KLHL40: variants seen among roughly 807,000 people sequenced by gnomAD.
KLHL40 encodes the protein kelch-like protein 40.
KLHL40 carries 44 observed loss-of-function variants against 49.7 expected under a neutral mutation model. That is an observed-to-expected ratio of 0.89 (90% CI 0.70 to 1.14). The LOEUF (loss-of-function observed/expected upper bound fraction) is 1.14. KLHL40 is among the 50% of genes most tolerant of loss of function. KLHL40 has a pLI of 0.00. For missense variants in KLHL40, 892 were observed against 850.3 expected, an observed-to-expected ratio of 1.05 and a Z score of -0.61; for synonymous variants, 409 against 365.2, an observed-to-expected ratio of 1.12 and a Z score of -1.37.
At position 42,688,677 on chromosome 3, in the gene KLHL40, A is replaced by G. The variant is rs776547008; in HGVS notation, c.1381A>G (p.Met461Val). 11 of 1,613,910 alleles carry G rather than the reference A, an allele frequency of 6.8e-6. No homozygotes were observed. The highest frequency in any genetic ancestry group is 1.7e-5 in the Admixed American group (1 of 60,004). ...VVYGHTVLSH[M>V]DLVYVIGGKG... ...GTATGGCCACACAGTGCTCTCCCAC[A>G]TGGACCTTGTCTACGTAATTGGCGG... The change falls in exon 3 of 6, where the codon ATG (methionine) becomes GTG (valine). Residue 461 changes from methionine to valine, a missense_variant. Met to Val is a conservative substitution (Grantham distance 21). Coordinates refer to ENST00000287777, the MANE Select transcript of KLHL40 (RefSeq NM_152393.4). This position sits in a 1 kb window ranked among gnomAD's most constrained non-coding sequence, Gnocchi z 4.2.
Position 42,686,254 on chromosome 3 carries a change from G to A in KLHL40, c.636G>A (p.Glu212=), listed in dbSNP as rs746786687. The A allele has an allele frequency of 9.7e-6, 15 of 1,552,944 alleles. No homozygotes were observed. The highest frequency in any genetic ancestry group is 1.3e-5 in the Non-Finnish European group (15 of 1,150,360). ...AGSGDAEAQA[E]RQRALPTVFE... is the part of the protein sequence containing the mutation. ...GCGGCGACGCCGAGGCGCAGGCTGA[G>A]CGCCAGCGCGCGCTGCCCACCGTCT... Residue 212 remains glutamate (E), a synonymous_variant, in exon 1 of 6, where the codon GAG becomes GAA. Coordinates refer to ENST00000287777, the MANE Select transcript of KLHL40 (RefSeq NM_152393.4).
rs1357119156 is a variant in KLHL40, at chr3:42,690,852, C to A, written c.1608-7C>A. On this transcript the variant is annotated splice_region_variant and splice_polypyrimidine_tract_variant and intron_variant, in intron 4 of 5. Coordinates refer to ENST00000287777, the MANE Select transcript of KLHL40 (RefSeq NM_152393.4). ...TCCCAATGATGCACCTTCTCACACA[C>A]CCCCAGGTGGGCACCCTTCGAGGCC... 1.9e-6 allele frequency: 3 copies of A among 1,595,734 alleles called. No individual in the cohort carries two copies. Among genetic ancestry groups the A allele is most frequent in the South Asian group, 1.1e-5 (1 of 88,556 alleles).
chr3:42,691,469 C>A (rs1697366565), intron 5 of KLHL40, among the ~76,000 whole-genome samples: 2 of 152,092 alleles, frequency 1.3e-5, no homozygotes, highest in African/African-American at 4.8e-5. Flanking sequence ...GGGGCATCTC[C>A]TTCCTGAACC....
Position 42,686,710 on chromosome 3 carries a change from T to C in KLHL40, c.1092T>C (p.Ala364=). 1.2e-6 allele frequency: 2 copies of C among 1,613,506 alleles called. No individual in the cohort carries two copies. Among genetic ancestry groups the C allele is most frequent in the African/African-American group, 1.3e-5 (1 of 75,062 alleles). The change falls in exon 1 of 6, where the codon GCT becomes GCC. Residue 364 remains alanine, a synonymous_variant. Transcript: ENST00000287777. ...LVTKENQVFV[A]GGLFYNEDNK... is the part of the protein sequence containing the mutation. ...CCAAGGAGAACCAGGTCTTCGTGGC[T>C]GGAGGCCTCTTCTACAACGAAGACA...
In KLHL40 at chr3:42,688,093, G is replaced by A. The variant is rs375456080; in HGVS notation, c.1153-49G>A. On this transcript the variant is annotated intron_variant, in intron 1 of 5. Coordinates refer to ENST00000287777, the MANE Select transcript of KLHL40 (RefSeq NM_152393.4). This position sits in a 1 kb window ranked among gnomAD's most constrained non-coding sequence, Gnocchi z 4.2. Reference sequence around the variant, plus strand: ...CAGTGGGACTGAGTGGGGCTGGGCTGAGGCTGGGGGAGTGGGGGGCGGTAG... The same window carrying A: ...CAGTGGGACTGAGTGGGGCTGGGCTAAGGCTGGGGGAGTGGGGGGCGGTAG... The A allele has an allele frequency of 1.2e-6, 2 of 1,611,308 alleles. No individual in the cohort carries two copies. Among genetic ancestry groups the A allele is most frequent in the African/African-American group, 2.7e-5 (2 of 74,820 alleles).
rs368649400 is a variant in KLHL40 at position 42,685,614 on chromosome 3, C to T, written c.-5C>T. The T allele has an allele frequency of 2.5e-6, 4 of 1,582,256 alleles. No individual in the cohort carries two copies. Among genetic ancestry groups the T allele is most frequent in the Non-Finnish European group, 2.6e-6 (3 of 1,163,770 alleles). Reference sequence around the variant, plus strand: ...GCACCGCCACCGCACCCTAGGCCACCCACCATGGCGCTGGGCTTGGAGCAG... The same window carrying T: ...GCACCGCCACCGCACCCTAGGCCACTCACCATGGCGCTGGGCTTGGAGCAG... On this transcript the variant is annotated 5_prime_UTR_variant, in exon 1 of 6. Transcript: ENST00000287777.
chr3:42,689,448 C>T (rs1043220282), intron 4 of KLHL40, among the ~76,000 whole-genome samples: 4 of 152,000 alleles, frequency 2.6e-5, no homozygotes, highest in African/African-American at 9.7e-5. Context: ...GAGGTTGCCC[C>T]AGACTAAGGA....
chr3:42,691,116 T>C lies in KLHL40; in HGVS notation c.1754+111T>C, dbSNP rs1697358101. 5 of 1,133,824 alleles carry C rather than the reference T, an allele frequency of 4.4e-6. No homozygotes were observed. The East Asian group carries it at 1.0e-4, about 23-fold the overall frequency. 70.2% of individuals were successfully genotyped at this position (1,133,824 alleles called of 1,614,324 possible). A position where few individuals can be genotyped will look rare whatever the true frequency, so the allele number is the denominator to read the frequency against. On this transcript the variant is annotated intron_variant, in intron 5 of 5. Transcript: ENST00000287777. ...CAAGCTCCTCTGGGGGCAAAGCGGA[T>C]CCCTCTTCTAGGGAGTCCTGTAGGG...
chr3:42,690,738 C>A, intron 4 of KLHL40, 121 bp from the exon 5 acceptor site: 1 of 1,004,490 alleles, frequency 1.0e-6, no homozygotes, highest in Non-Finnish European at 1.5e-6. Context: ...GGGTTGGGGG[C>A]ATGGGTGCCT....
intron 5 of KLHL40, among the ~76,000 whole-genome samples, chr3:42,691,549 A>C (rs1279934366): frequency 6.6e-6 from 1 of 152,102 alleles, no homozygotes; most frequent in Non-Finnish European, 1.5e-5. Flanking sequence ...CGTGAGACTT[A>C]GTAGAAATGG....
chr3:42,690,961 G>A lies in KLHL40; in HGVS notation c.1710G>A (p.Thr570=), dbSNP rs151268251. ...TTGGTGGCTTTGCCACACTGGAGAC[G>A]GAGTCTGGAGAGCTGGTTCCCACAG... ...YAIGGFATLE[T]ESGELVPTEL... Residue 570 remains threonine (T), a synonymous_variant, in exon 5 of 6, where the codon ACG becomes ACA. Transcript: ENST00000287777. The A allele has an allele frequency of 1.2e-5, 20 of 1,613,478 alleles. No homozygotes were observed. In the African/African-American group the frequency reaches 1.3e-4, roughly 11 times the overall value.
Position 42,686,468 on chromosome 3 carries a change from G to A in KLHL40, c.850G>A (p.Asp284Asn). The A allele has an allele frequency of 6.2e-7, 1 of 1,614,070 alleles. No individual in the cohort carries two copies. The highest frequency in any genetic ancestry group is 1.1e-5 in the South Asian group (1 of 91,084). Residue 284 changes from aspartate (D) to asparagine (N), a missense_variant, in exon 1 of 6, where the codon GAT becomes AAT. Physicochemically the swap from Asp to Asn is conservative, Grantham distance 23. Transcript: ENST00000287777. ...GGATGGAGCCGGGGCCAAGGAGGCTGATAAGGGCACAAGCAAAGCCAAAGC... is the reference window on the plus strand; with the variant it reads ...GGATGGAGCCGGGGCCAAGGAGGCTAATAAGGGCACAAGCAAAGCCAAAGC... Reference protein sequence around the residue: ...GKDGAGAKEADKGTSKAKAEE... With the variant: ...GKDGAGAKEANKGTSKAKAEE...
chr3:42,691,753 G>C, intron 5 of KLHL40, 129 bp from the exon 6 acceptor site: 1 of 654,780 alleles, frequency 1.5e-6, no homozygotes, highest in Non-Finnish European at 2.8e-6. Flanking sequence ...CCCAGAGCCT[G>C]GGGATTTTCA....
rs1183551771 is a variant in KLHL40 at position 42,692,432 on chromosome 3, G to C, written c.*439G>C. On this transcript the variant is annotated 3_prime_UTR_variant, in exon 6 of 6. Coordinates refer to ENST00000287777, the MANE Select transcript of KLHL40 (RefSeq NM_152393.4). ...AAGTGCCTTCTGAGCAAGCAGCTCA[G>C]GGTCTGCATCAGTGCTCCAAGAGTC... The C allele has an allele frequency of 2.3e-6, 1 of 442,688 alleles. No individual in the cohort carries two copies. Among genetic ancestry groups the C allele is most frequent in the African/African-American group, 2.0e-5 (1 of 50,952 alleles). The allele number at this position is 442,688 out of a possible 1,614,324, so 27.4% of individuals were successfully genotyped here.
chr3:42,686,920 C>T, intron 1 of KLHL40, 150 bp downstream of exon 1: 1 of 677,120 alleles, frequency 1.5e-6, no homozygotes, highest in Non-Finnish European at 2.5e-6. Flanking sequence ...TGATAGCCAC[C>T]TACTTGAAGG....
Position 42,686,363 on chromosome 3 carries a change from G to C in KLHL40, c.745G>C (p.Glu249Gln). The C allele has an allele frequency of 6.2e-7, 1 of 1,613,180 alleles. No homozygotes were observed. The highest frequency in any genetic ancestry group is 2.2e-5 in the East Asian group (1 of 44,858). ...CCACCCTCTCGTGCGTGCCCAGCCC[G>C]AGTTGCTGCGCAAGGTGCAGATGGT... is the stretch of plus-strand genomic sequence containing the variant. ...ERHPLVRAQP[E>Q]LLRKVQMVKD... The change falls in exon 1 of 6, where the codon GAG (glutamate) becomes CAG (glutamine). Residue 249 changes from glutamate (E) to glutamine (Q), a missense_variant. By Grantham distance (29) the Glu-to-Gln change is conservative (BLOSUM62 2). Coordinates refer to ENST00000287777, the MANE Select transcript of KLHL40 (RefSeq NM_152393.4).
Position 42,688,206 on chromosome 3 carries a change from G to A in KLHL40, c.1217G>A (p.Gly406Asp), listed in dbSNP as rs1697302861. Residue 406 changes from glycine to aspartate, a missense_variant, in exon 2 of 6, where the codon GGC (glycine) becomes GAC (aspartate). By Grantham distance (94) the Gly-to-Asp change is moderately conservative. Transcript: ENST00000287777. The surrounding 1 kb of genome is among the most constrained non-coding windows in gnomAD (Gnocchi z 4.2). ...PPLPSPRCLF[G>D]LGEALNSIYV... ...CTGCCCTCGCCCCGCTGCCTCTTTG[G>A]CCTGGGAGAAGCTCTCAACTCCATC... The A allele has an allele frequency of 6.2e-7, 1 of 1,613,972 alleles. No homozygotes were observed. The highest frequency in any genetic ancestry group is 8.5e-7 in the Non-Finnish European group (1 of 1,180,016).
At position 42,686,469 on chromosome 3, in the gene KLHL40, A is replaced by T. The variant is rs1697275753; in HGVS notation, c.851A>T (p.Asp284Val). 1.2e-6 allele frequency: 2 copies of T among 1,614,046 alleles called. No homozygotes were observed. Among genetic ancestry groups the T allele is most frequent in the South Asian group, 1.1e-5 (1 of 91,082 alleles). Residue 284 changes from aspartate to valine, a missense_variant, in exon 1 of 6, where the codon GAT becomes GTT. Asp to Val is a radical substitution (Grantham distance 152). Transcript: ENST00000287777. ...GATGGAGCCGGGGCCAAGGAGGCTGATAAGGGCACAAGCAAAGCCAAAGCA... is the reference window on the plus strand; with the variant it reads ...GATGGAGCCGGGGCCAAGGAGGCTGTTAAGGGCACAAGCAAAGCCAAAGCA... ...GKDGAGAKEA[D>V]KGTSKAKAEE... is the part of the protein sequence containing the mutation.
Position 42,686,366 on chromosome 3 carries a change from T to G in KLHL40, c.748T>G (p.Leu250Val), listed in dbSNP as rs774330971. 1.2e-6 allele frequency: 2 copies of G among 1,612,554 alleles called. No individual in the cohort carries two copies. Among genetic ancestry groups the G allele is most frequent in the African/African-American group, 2.7e-5 (2 of 74,686 alleles). The stretch of plus-strand genomic sequence containing the variant: ...CCCTCTCGTGCGTGCCCAGCCCGAG[T>G]TGCTGCGCAAGGTGCAGATGGTGAA... Reference protein sequence around the residue: ...RHPLVRAQPELLRKVQMVKDA... With the variant: ...RHPLVRAQPEVLRKVQMVKDA... Residue 250 changes from leucine (L) to valine (V), a missense_variant, in exon 1 of 6, where the codon TTG becomes GTG. By Grantham distance (32) the Leu-to-Val change is conservative. Coordinates refer to ENST00000287777, the MANE Select transcript of KLHL40 (RefSeq NM_152393.4).
Sources: gnomAD v4.1 joint callset for allele counts (sites outside exome capture counted in the v4.1 genomes callset) on GRCh38, gnomAD v4.1.1 for gene constraint, Gnocchi (gnomAD v3.1) non-coding constraint, MANE v1.5 for transcripts, NCBI Gene and HGNC (gene_info 2026-07-23, HGNC 2026-07-21) for gene names.